FAM107B: variants seen among roughly 807,000 people sequenced by gnomAD.
FAM107B encodes protein FAM107B.
Under a neutral mutation model 31.5 loss-of-function variants are expected in FAM107B, and 21 were observed. The observed-to-expected ratio is 0.67, with a 90% CI of 0.47 to 0.96. FAM107B has a LOEUF of 0.96. Among genes scored for constraint, FAM107B ranks in the 40% least tolerant of loss-of-function variants. The pLI, the probability that FAM107B is intolerant of heterozygous loss-of-function variation, is 0.00. For missense variants in FAM107B, 452 were observed against 377.1 expected (o/e 1.20, Z -1.64); for synonymous variants, 157 against 141.5 (o/e 1.11, Z -0.78).
At chr10:14,649,230 G>T (rs557544969) in intron 2 of FAM107B, among the ~76,000 whole-genome samples, 1 of 152,316 alleles carries the variant, frequency 6.6e-6, no homozygotes, top group East Asian at 1.9e-4. Flanking sequence ...GTAGCAATAA[G>T]ATAACCACAT....
intron 2 of FAM107B, among the ~76,000 whole-genome samples, chr10:14,666,532 G>A (rs1854407705): frequency 6.6e-6 from 1 of 152,098 alleles, no homozygotes; most frequent in Non-Finnish European, 1.5e-5. Flanking sequence ...TTTGGGTGGG[G>A]ACACAGAGCC....
intron 2 of FAM107B, among the ~76,000 whole-genome samples, chr10:14,616,684 AG>A (rs1490454612): frequency 6.6e-6 from 1 of 152,222 alleles, no homozygotes; most frequent in African/African-American, 2.4e-5. Context: ...GCCCTGTGGG[AG>A]GCCAAGGCAA....
chr10:14,625,369 T>C (rs1485819047), intron 2 of FAM107B, among the ~76,000 whole-genome samples: 1 of 152,170 alleles, frequency 6.6e-6, no homozygotes, highest in Admixed American at 6.5e-5. Context: ...TTTCATCTTC[T>C]TTGACTCTCT....
intron 1 of FAM107B, among the ~76,000 whole-genome samples, chr10:14,770,645 C>T (rs1270566250): frequency 6.6e-6 from 1 of 152,136 alleles, no homozygotes; most frequent in African/African-American, 2.4e-5. Flanking sequence ...GAAAAGTTAT[C>T]ATTAAGAGGT....
intron 3 of FAM107B, 100 bp from the exon 4 acceptor site, chr10:14,522,119 C>T: frequency 6.9e-7 from 1 of 1,446,512 alleles, no homozygotes; most frequent in Non-Finnish European, 9.2e-7. Flanking sequence ...GAAAAGTGGT[C>T]TACAAAATTA....
At chr10:14,736,701 G>A (rs956355253) in intron 1 of FAM107B, among the ~76,000 whole-genome samples, 5 of 152,112 alleles carry the variant, frequency 3.3e-5, no homozygotes, top group Admixed American at 6.6e-5. Flanking sequence ...TTTCCAAAAA[G>A]TGACTTTAAC....
chr10:14,590,056 G>A (rs377662382), intron 2 of FAM107B, among the ~76,000 whole-genome samples: 1 of 152,108 alleles, frequency 6.6e-6, no homozygotes, highest in Non-Finnish European at 1.5e-5. Flanking sequence ...CTTATTCCAG[G>A]ATGAGTTTTG....
At chr10:14,765,311 C>A (rs1274016314) in intron 1 of FAM107B, among the ~76,000 whole-genome samples, 1 of 152,202 alleles carries the variant, frequency 6.6e-6, no homozygotes, top group African/African-American at 2.4e-5. Context: ...ATTCTTGCCA[C>A]TCTCTGCAGT....
intron 1 of FAM107B, among the ~76,000 whole-genome samples, chr10:14,728,215 T>G (rs1174017162): frequency 6.6e-6 from 1 of 152,208 alleles, no homozygotes; most frequent in Non-Finnish European, 1.5e-5. Flanking sequence ...TTGCATCATT[T>G]TTTTAGTCAA....
chr10:14,751,728 C>T (rs749581881), intron 1 of FAM107B, among the ~76,000 whole-genome samples: 3 of 152,012 alleles, frequency 2.0e-5, no homozygotes, highest in Non-Finnish European at 2.9e-5. Context: ...AGAGATCTAT[C>T]GACCCTACAC....
chr10:14,716,657 G>A (rs987702726), intron 1 of FAM107B, among the ~76,000 whole-genome samples: 1 of 152,200 alleles, frequency 6.6e-6, no homozygotes, highest in African/African-American at 2.4e-5. Context: ...GCTGGGGAGA[G>A]TACTTGATAT....
chr10:14,526,412 G>A (rs536136366), intron 3 of FAM107B, among the ~76,000 whole-genome samples: 144 of 152,326 alleles, frequency 9.5e-4, no homozygotes, highest in African/African-American at 3.3e-3. Flanking sequence ...CTGACCTCAG[G>A]TGATCTGCCT....
At chr10:14,633,953 C>T (rs1853431559) in intron 2 of FAM107B, among the ~76,000 whole-genome samples, 1 of 152,174 alleles carries the variant, frequency 6.6e-6, no homozygotes, top group South Asian at 2.1e-4. Flanking sequence ...ATGACCAAGC[C>T]TCAACTCACA....
intron 1 of FAM107B, among the ~76,000 whole-genome samples, chr10:14,690,050 G>GGAGGGAGGGAGGGAGGGAGGGAGA (rs1449439529): frequency 2.0e-5 from 3 of 146,382 alleles, no homozygotes; most frequent in African/African-American, 7.8e-5. Flanking sequence ...AGGGAGGGAG[G>GGAGGGAGGGAGGGAGGGAGGGAGA]GAGACACCTG....
chr10:14,671,574 A>G (rs1010666057), intron 1 of FAM107B, among the ~76,000 whole-genome samples: 3 of 152,096 alleles, frequency 2.0e-5, no homozygotes, highest in Non-Finnish European at 2.9e-5. Flanking sequence ...TCTGAATGTG[A>G]CACACTCAGG....
At chr10:14,573,205 C>CT (rs1851342552) in intron 2 of FAM107B, among the ~76,000 whole-genome samples, 1 of 152,138 alleles carries the variant, frequency 6.6e-6, no homozygotes, top group African/African-American at 2.4e-5. Flanking sequence ...CTCTGTCCCC[C>CT]AAAGTTCATG....
intron 1 of FAM107B, among the ~76,000 whole-genome samples, chr10:14,715,009 G>A (rs1478060911): frequency 6.6e-6 from 1 of 152,130 alleles, no homozygotes; most frequent in East Asian, 1.9e-4. Context: ...TCCGCCCATG[G>A]TCCTGTAGTG....
At chr10:14,638,893 A>G (rs1234888661) in intron 2 of FAM107B, among the ~76,000 whole-genome samples, 1 of 152,108 alleles carries the variant, frequency 6.6e-6, no homozygotes, top group African/African-American at 2.4e-5. Flanking sequence ...CTGTCTATCA[A>G]CATTTCACCT....
At position 14,652,366 on chromosome 10, in the gene FAM107B, A is replaced by G. The variant is rs556856542; in HGVS notation, c.469+15268T>C. On this transcript the variant is annotated intron_variant, in intron 2 of 4. Coordinates refer to ENST00000181796, the MANE Select transcript of FAM107B (RefSeq NM_031453.4). Reference sequence around the variant, plus strand: ...AAGATACAAAATCAACCCTCTCACTATAGAGAGAAATTCTCAACTCTGTCC... The same window carrying G: ...AAGATACAAAATCAACCCTCTCACTGTAGAGAGAAATTCTCAACTCTGTCC... Among the ~76,000 whole-genome samples the G allele has an allele frequency of 6.6e-5, 10 of 152,284 alleles. No homozygotes were observed. The South Asian group carries it at 2.1e-3, about 32-fold the overall frequency.
Sources: gnomAD v4.1 joint callset for allele counts (sites outside exome capture counted in the v4.1 genomes callset) on GRCh38, gnomAD v4.1.1 for gene constraint, MANE v1.5 for transcripts, NCBI Gene and HGNC (gene_info 2026-07-23, HGNC 2026-07-21) for gene names.